Variants in GRIA1 observed in about 807,000 individuals in gnomAD.
GRIA1 encodes the protein glutamate ionotropic receptor AMPA type subunit 1, also known as glutamate receptor 1.
A neutral mutation model predicts 99.2 loss-of-function variants in GRIA1; 31 were observed. The ratio of observed to expected loss-of-function variants is 0.31; its 90% CI spans 0.23 to 0.42. The LOEUF (loss-of-function observed/expected upper bound fraction) is 0.42, where lower values mean the gene tolerates loss of function less well. Ranked by LOEUF, GRIA1 falls within the 10% of genes least tolerant of loss-of-function variation. The probability of loss-of-function intolerance (pLI) is 1.00; values close to 1 mark genes in which losing one functional copy is unlikely to be tolerated. For synonymous variants in GRIA1, 438 were observed against 432.4 expected (o/e 1.01, Z -0.16); for missense variants, 782 against 1,157.5 (o/e 0.68, Z 4.71).
In GRIA1 at chr5:153,647,085, C is replaced by T. The variant is rs1237957759; in HGVS notation, c.378C>T (p.Arg126=). The change falls in exon 3 of 16, where the codon CGC becomes CGT. Residue 126 remains arginine (R), a synonymous_variant. Coordinates refer to ENST00000285900, the MANE Select transcript of GRIA1 (RefSeq NM_000827.4). ...DTSNQFVLQL[R]PELQDALISI... ...CCAATCAGTTTGTCCTTCAGCTGCG[C>T]CCTGAACTGCAGGATGCCCTCATCA... 6.2e-7 allele frequency: 1 copy of T among 1,613,918 alleles called. No homozygotes were observed. The highest frequency in any genetic ancestry group is 1.7e-5 in the Admixed American group (1 of 59,990).
At chr5:153,695,383 A>C (rs1196246759) in intron 8 of GRIA1, among the ~76,000 whole-genome samples, 1 of 152,192 alleles carries the variant, frequency 6.6e-6, no homozygotes, top group African/African-American at 2.4e-5. Flanking sequence ...TCTTGCGGGG[A>C]ATCCCAATAG....
intron 11 of GRIA1, among the ~76,000 whole-genome samples, chr5:153,746,765 C>T (rs1248667496): frequency 6.6e-6 from 1 of 152,114 alleles, no homozygotes. Context: ...AACTTAAGCC[C>T]AAAAATACAC....
At chr5:153,494,152 A>G (rs1754195376) in intron 2 of GRIA1, 87 bp downstream of exon 2, 5 of 1,414,416 alleles carry the variant, frequency 3.5e-6, no homozygotes, top group Non-Finnish European at 4.9e-6. Flanking sequence ...TGTTGCAAAA[A>G]TGACTTCAGT....
At chr5:153,507,352 C>T (rs529708070) in intron 2 of GRIA1, among the ~76,000 whole-genome samples, 21 of 152,148 alleles carry the variant, frequency 1.4e-4, no homozygotes, top group Admixed American at 9.2e-4. Context: ...GCTATGTTCT[C>T]CTCAACACCA....
intron 2 of GRIA1, among the ~76,000 whole-genome samples, chr5:153,513,783 G>C (rs1340346243): frequency 6.6e-6 from 1 of 151,994 alleles, no homozygotes; most frequent in East Asian, 1.9e-4. Flanking sequence ...AATTTCCTCA[G>C]CCACTTTACA....
intron 13 of GRIA1, among the ~76,000 whole-genome samples, chr5:153,793,115 G>T (rs1469282812): frequency 6.6e-6 from 1 of 152,180 alleles, no homozygotes; most frequent in East Asian, 1.9e-4. Context: ...GGATCAACAT[G>T]CTTCTGATAA....
chr5:153,523,016 A>ATCTCTCTCTCTC (rs61177262), intron 2 of GRIA1, among the ~76,000 whole-genome samples: 13,011 of 141,278 alleles, frequency 0.092, 667 homozygotes, highest in Middle Eastern at 0.11. Context: ...TGTTCCTGAT[A>ATCTCTCTCTCTC]TCTCTCTCTC....
intron 2 of GRIA1, among the ~76,000 whole-genome samples, chr5:153,606,272 C>G (rs1004578911): frequency 2.0e-5 from 3 of 152,072 alleles, no homozygotes; most frequent in Non-Finnish European, 2.9e-5. Flanking sequence ...TCTGGTCTTT[C>G]TTTTCTGTTC....
intron 11 of GRIA1, among the ~76,000 whole-genome samples, chr5:153,718,609 G>A (rs1277266415): frequency 1.3e-5 from 2 of 152,164 alleles, no homozygotes; most frequent in Non-Finnish European, 2.9e-5. Flanking sequence ...ATCATTATGA[G>A]AATACATGAG....
chr5:153,548,086 C>G (rs956448130), intron 2 of GRIA1, among the ~76,000 whole-genome samples: 1 of 152,132 alleles, frequency 6.6e-6, no homozygotes, highest in African/African-American at 2.4e-5. Context: ...AATTTTTACT[C>G]CTGCTTGAGC....
chr5:153,598,530 A>G (rs1764614734), intron 2 of GRIA1, among the ~76,000 whole-genome samples: 1 of 152,158 alleles, frequency 6.6e-6, no homozygotes, highest in African/African-American at 2.4e-5. Flanking sequence ...GAAAGCCTTG[A>G]ATGCCAAGCA....
intron 5 of GRIA1, among the ~76,000 whole-genome samples, chr5:153,672,117 G>T (rs183949653): frequency 1.3e-5 from 2 of 152,304 alleles, no homozygotes; most frequent in Non-Finnish European, 2.9e-5. Flanking sequence ...TGCCTACACT[G>T]CAGGCTACTG....
chr5:153,626,991 C>T (rs1000710808), intron 2 of GRIA1, among the ~76,000 whole-genome samples: 1 of 152,140 alleles, frequency 6.6e-6, no homozygotes, highest in Admixed American at 6.5e-5. Flanking sequence ...TTCTGATAGC[C>T]TAAAAATGCA....
intron 3 of GRIA1, 45 bp from the exon 4 acceptor site, chr5:153,650,285 A>G (rs986565036): frequency 4.5e-6 from 7 of 1,548,904 alleles, no homozygotes; most frequent in South Asian, 1.1e-5. Flanking sequence ...GGTGCCCACA[A>G]ATCCTGACTG....
rs116620447 is a variant in GRIA1, at chr5:153,625,547, G to A, written c.221-21381G>A. ...TGATACCACGGCACTCACGGGCAAA[G>A]GGAGAGTGGGATGAGAAAAACAAGT... On this transcript the variant is annotated intron_variant, in intron 2 of 15. Coordinates refer to ENST00000285900, the MANE Select transcript of GRIA1 (RefSeq NM_000827.4). Among the ~76,000 whole-genome samples the A allele has an allele frequency of 3.5e-3, 539 of 152,304 alleles. 2 individuals carry two copies. Among genetic ancestry groups the A allele is most frequent in the Non-Finnish European group, 6.6e-3 (446 of 68,034 alleles).
At chr5:153,697,982 A>G (rs369773547) in intron 8 of GRIA1, 62 bp from the exon 9 acceptor site, 1 of 833,328 alleles carries the variant, frequency 1.2e-6, no homozygotes, top group Non-Finnish European at 2.1e-6. Context: ...TGGGTGACCC[A>G]GAGCAGGCCA....
intron 2 of GRIA1, among the ~76,000 whole-genome samples, chr5:153,516,690 G>A (rs1040707530): frequency 2.6e-5 from 4 of 152,148 alleles, no homozygotes; most frequent in East Asian, 1.9e-4. Flanking sequence ...AGGCTGCTGC[G>A]TCCAGATCTC....
chr5:153,499,058 G>A (rs557068339), intron 2 of GRIA1, among the ~76,000 whole-genome samples: 1 of 152,318 alleles, frequency 6.6e-6, no homozygotes, highest in African/African-American at 2.4e-5. Flanking sequence ...AAATTAGTGT[G>A]TATACAGTAA....
intron 2 of GRIA1, among the ~76,000 whole-genome samples, chr5:153,568,623 A>G (rs1486578137): frequency 6.6e-6 from 1 of 152,062 alleles, no homozygotes; most frequent in Non-Finnish European, 1.5e-5. Context: ...ACAAAGTCCT[A>G]TGTAGTCTTC....
Sources: gnomAD v4.1 joint callset for allele counts (sites outside exome capture counted in the v4.1 genomes callset) on GRCh38, gnomAD v4.1.1 for gene constraint, MANE v1.5 for transcripts, NCBI Gene and HGNC (gene_info 2026-07-23, HGNC 2026-07-21) for gene names.